Variants in ZWILCH observed in about 807,000 individuals in gnomAD.
The protein encoded by ZWILCH is protein zwilch homolog.
Under a neutral mutation model 79.9 loss-of-function variants are expected in ZWILCH, and 74 were observed. The observed-to-expected ratio is 0.93, with a 90% CI of 0.77 to 1.12. The LOEUF (loss-of-function observed/expected upper bound fraction) is 1.12, where lower values mean the gene tolerates loss of function less well. ZWILCH is among the 50% of genes most tolerant of loss of function. The pLI is 0.00. For missense variants in ZWILCH, 694 were observed against 687.5 expected (o/e 1.01, Z -0.11); for synonymous variants, 241 against 228.2 (o/e 1.06, Z -0.51).
chr15:66,535,633 G>A (rs896615344), intron 14 of ZWILCH, among the ~76,000 whole-genome samples: 10 of 149,944 alleles, frequency 6.7e-5, no homozygotes, highest in African/African-American at 2.0e-4. Flanking sequence ...CCAAGATCAC[G>A]CCACGGCACT....
chr15:66,513,541 C>T (rs1440281406), intron 2 of ZWILCH, among the ~76,000 whole-genome samples: 7 of 151,060 alleles, frequency 4.6e-5, no homozygotes, highest in Non-Finnish European at 1.0e-4. Context: ...ATAGCCATTG[C>T]ACTCCAGCCT....
intron 15 of ZWILCH, among the ~76,000 whole-genome samples, chr15:66,536,737 T>G (rs1311934545): frequency 6.7e-6 from 1 of 149,428 alleles, no homozygotes; most frequent in Non-Finnish European, 1.5e-5. Context: ...CCAAGTTTTG[T>G]TTTTTTTTTC....
intron 14 of ZWILCH, 124 bp from the exon 15 acceptor site, chr15:66,535,809 C>CT (rs879221084): frequency 0.07 from 41,557 of 591,538 alleles, no homozygotes; most frequent in South Asian, 0.081. Context: ...TTCTTCTGGT[C>CT]TTTTTTTTTT....
intron 7 of ZWILCH, among the ~76,000 whole-genome samples, chr15:66,522,365 G>A (rs528728126): frequency 2.9e-5 from 4 of 138,722 alleles, no homozygotes; most frequent in Non-Finnish European, 6.1e-5. Context: ...GCGGAGCCTC[G>A]CTCTGTCTGC....
In ZWILCH at chr15:66,509,842, T is replaced by TGA. The variant is rs1567039378; in HGVS notation, c.105+950_105+951insGA. Among the ~76,000 whole-genome samples the TGA allele has an allele frequency of 1.8e-3, 143 of 77,966 alleles. 4 individuals carry two copies. Among genetic ancestry groups the TGA allele is most frequent in the Middle Eastern group, 0.012 (2 of 166 alleles). The allele number at this position is 77,966 out of a possible 152,430, so 51.1% of individuals were successfully genotyped here. On this transcript the variant is annotated intron_variant, in intron 2 of 18. Transcript: ENST00000307897. ...GGCTACATATATATATATATATATA[T>TGA]ATATATATATATATATATATATATA...
chr15:66,514,306 A>T, intron 3 of ZWILCH: 1 of 256,098 alleles, frequency 3.9e-6, no homozygotes, highest in East Asian at 8.0e-5. Context: ...AAATTCACTT[A>T]TTTCTTTTTT....
intron 1 of ZWILCH, chr15:66,505,687 C>T (rs1029372767): frequency 4.6e-6 from 2 of 434,376 alleles, no homozygotes; most frequent in Non-Finnish European, 8.2e-6. Context: ...AGTAGAGGCA[C>T]CACCCGGGAT....
intron 17 of ZWILCH, 140 bp downstream of exon 17, chr15:66,540,350 G>C: frequency 1.7e-6 from 1 of 579,334 alleles, no homozygotes; most frequent in South Asian, 2.0e-5. Flanking sequence ...TCAGGAGTTT[G>C]AGACCAGCCT....
At chr15:66,508,060 G>A (rs912531630) in intron 1 of ZWILCH, among the ~76,000 whole-genome samples, 4 of 152,106 alleles carry the variant, frequency 2.6e-5, no homozygotes, top group Admixed American at 2.6e-4. Context: ...CATAGGCCTA[G>A]CTCTTCTGTT....
At chr15:66,508,760 T>G (rs1893918456) in intron 1 of ZWILCH, 81 bp from the exon 2 acceptor site, 1 of 1,590,698 alleles carries the variant, frequency 6.3e-7, no homozygotes, top group Non-Finnish European at 8.6e-7. Context: ...CCTGCAGAGA[T>G]AAAGTGATGA....
At chr15:66,508,504 A>T (rs1893908910) in intron 1 of ZWILCH, among the ~76,000 whole-genome samples, 1 of 152,234 alleles carries the variant, frequency 6.6e-6, no homozygotes, top group African/African-American at 2.4e-5. Context: ...GGCAAGTTAC[A>T]TTTTAATTTT....
intron 10 of ZWILCH, 22 bp from the exon 11 acceptor site, chr15:66,528,830 C>T: frequency 6.2e-7 from 1 of 1,604,168 alleles, no homozygotes; most frequent in African/African-American, 1.3e-5. Context: ...TGAGTATTCT[C>T]TGAAGGTTGC....
At chr15:66,519,374 A>G (rs1343481474) in intron 5 of ZWILCH, among the ~76,000 whole-genome samples, 3 of 152,230 alleles carry the variant, frequency 2.0e-5, no homozygotes, top group Non-Finnish European at 4.4e-5. Context: ...CAAACTGACA[A>G]TATGTTTCCA....
chr15:66,515,055 C>T (rs1368341853), intron 3 of ZWILCH, among the ~76,000 whole-genome samples: 1 of 152,198 alleles, frequency 6.6e-6, no homozygotes, highest in African/African-American at 2.4e-5. Flanking sequence ...AATCCTTCCA[C>T]CTCAGCCTCC....
In ZWILCH at chr15:66,520,635, A is replaced by G. The variant is rs762313169; in HGVS notation, c.566A>G (p.His189Arg). 11 of 1,555,282 alleles carry G rather than the reference A, an allele frequency of 7.1e-6. No individual in the cohort carries two copies. The highest frequency in any genetic ancestry group is 1.4e-5 in the African/African-American group (1 of 73,546). ...SVNLENLKNL[H>R]KKRHHLSTVT... ...AATCTTGAAAACCTAAAAAATTTAC[A>G]CAAGAAAAGACATCACTTGTCTACT... The change falls in exon 6 of 19, where the codon CAC becomes CGC. Residue 189 changes from histidine (H) to arginine (R), a missense_variant. His to Arg is a conservative substitution (Grantham distance 29). Transcript: ENST00000307897.
At chr15:66,532,765 T>C (rs188870938) in intron 13 of ZWILCH, among the ~76,000 whole-genome samples, 1 of 152,090 alleles carries the variant, frequency 6.6e-6, no homozygotes, top group East Asian at 1.9e-4. Flanking sequence ...TAAATATTAG[T>C]ATATATTTAT....
intron 5 of ZWILCH, among the ~76,000 whole-genome samples, chr15:66,519,329 A>G (rs1018008100): frequency 6.6e-6 from 1 of 152,150 alleles, no homozygotes; most frequent in Non-Finnish European, 1.5e-5. Flanking sequence ...TTTTATTTCT[A>G]TGTGTATATT....
chr15:66,518,441 A>G (rs1894369398), intron 4 of ZWILCH, among the ~76,000 whole-genome samples: 1 of 151,880 alleles, frequency 6.6e-6, no homozygotes, highest in African/African-American at 2.4e-5. Context: ...CCACTACACC[A>G]GGCTAATTTT....
Position 66,521,066 on chromosome 15 carries a change from T to C in ZWILCH, c.608T>C (p.Phe203Ser), listed in dbSNP as rs771232194. 11 of 1,614,058 alleles carry C rather than the reference T, an allele frequency of 6.8e-6. No individual in the cohort carries two copies. The highest frequency in any genetic ancestry group is 9.3e-6 in the Non-Finnish European group (11 of 1,180,032). ...HHLSTVTSKG[F>S]AQYELFKSSA... ...TCTTTTCAGGTAACATCCAAAGGCT[T>C]TGCCCAGTATGAGCTCTTTAAGTCC... is the stretch of plus-strand genomic sequence containing the variant. Residue 203 changes from phenylalanine (F) to serine (S), a missense_variant, in exon 7 of 19, where the codon TTT (phenylalanine) becomes TCT (serine). Phe to Ser is a radical substitution (Grantham distance 155, BLOSUM62 -2). Transcript: ENST00000307897.
Sources: gnomAD v4.1 joint callset for allele counts (sites outside exome capture counted in the v4.1 genomes callset) on GRCh38, gnomAD v4.1.1 for gene constraint, MANE v1.5 for transcripts, NCBI Gene and HGNC (gene_info 2026-07-23, HGNC 2026-07-21) for gene names.